MTA3: variants seen among roughly 807,000 people sequenced by gnomAD.
The protein encoded by MTA3 is metastasis associated 1 family member 3.
In MTA3, 34 loss-of-function variants were observed where a neutral mutation model predicts 83.5. The ratio of observed to expected loss-of-function variants is 0.41; its 90% CI spans 0.31 to 0.54. MTA3 has a LOEUF of 0.54. Among genes scored for constraint, MTA3 ranks in the 20% least tolerant of loss-of-function variants. The pLI is 0.33. For synonymous variants in MTA3, 303 were observed against 252.7 expected (o/e 1.20, Z -1.89); for missense variants, 761 against 726.4 (o/e 1.05, Z -0.55).
chr2:42,707,526 C>T (rs756142727), intron 12 of MTA3, among the ~76,000 whole-genome samples: 4 of 152,160 alleles, frequency 2.6e-5, no homozygotes, highest in Non-Finnish European at 4.4e-5. Context: ...GGATTACAGG[C>T]GTGAGCCACC....
At chr2:42,681,111 G>A (rs1313349268) in intron 8 of MTA3, among the ~76,000 whole-genome samples, 5 of 152,136 alleles carry the variant, frequency 3.3e-5, no homozygotes, top group African/African-American at 1.2e-4. Flanking sequence ...GGAGTTCAAC[G>A]TTATGGTGCT....
chr2:42,570,647 C>G (rs1174576709), intron 2 of MTA3, 143 bp downstream of exon 2: 3 of 456,616 alleles, frequency 6.6e-6, no homozygotes, highest in Non-Finnish European at 1.2e-5. Flanking sequence ...TAGCTTGAGC[C>G]CAGGAGTTGG....
intron 3 of MTA3, among the ~76,000 whole-genome samples, chr2:42,585,135 C>A (rs1405195582): frequency 2.0e-5 from 3 of 151,796 alleles, no homozygotes; most frequent in Non-Finnish European, 4.4e-5. Flanking sequence ...GTTGCCTAGG[C>A]TGGAGTGCAA....
Position 42,626,133 on chromosome 2 carries a change from T to C in MTA3, c.318-14040T>C, listed in dbSNP as rs567533379. On this transcript the variant is annotated intron_variant, in intron 4 of 16. Coordinates refer to ENST00000405094, the MANE Select transcript of MTA3 (RefSeq NM_001330442.2). Reference sequence around the variant, plus strand: ...AATTTTTTTGTATTTTTAGTAGAGATGGGGTTTCACAGTGTTAGCCAGGAT... The same window carrying C: ...AATTTTTTTGTATTTTTAGTAGAGACGGGGTTTCACAGTGTTAGCCAGGAT... Among the ~76,000 whole-genome samples, 227 of 151,000 alleles carry C rather than the reference T, an allele frequency of 1.5e-3. 5 individuals are homozygous for C. The highest frequency in any genetic ancestry group is 5.3e-3 in the African/African-American group (216 of 40,718).
chr2:42,712,301 A>C (rs1392116492), intron 14 of MTA3, among the ~76,000 whole-genome samples: 10 of 151,930 alleles, frequency 6.6e-5, no homozygotes, highest in Non-Finnish European at 1.5e-4. Context: ...CATATATAGG[A>C]ATTTTTTTTT....
At chr2:42,681,076 T>G (rs1691853259) in intron 8 of MTA3, among the ~76,000 whole-genome samples, 1 of 152,190 alleles carries the variant, frequency 6.6e-6, no homozygotes, top group Non-Finnish European at 1.5e-5. Context: ...CCTAAGTAAC[T>G]TTTGCAGAAG....
chr2:42,602,542 C>T (rs888675128), intron 3 of MTA3, among the ~76,000 whole-genome samples: 3 of 152,006 alleles, frequency 2.0e-5, no homozygotes, highest in African/African-American at 7.3e-5. Context: ...ATGAGAACTC[C>T]AGTTGGTCTA....
chr2:42,569,173 C>T (rs1678168538), intron 1 of MTA3, among the ~76,000 whole-genome samples: 1 of 150,766 alleles, frequency 6.6e-6, no homozygotes, highest in African/African-American at 2.4e-5. Context: ...GCTTCTTCCC[C>T]ACTCAGTGGG....
chr2:42,568,649 ACGG>A lies in MTA3; in HGVS notation c.-86_-84del. On this transcript the variant is annotated 5_prime_UTR_variant, in exon 1 of 17. Coordinates refer to ENST00000405094, the MANE Select transcript of MTA3 (RefSeq NM_001330442.2). ...TCCCCCCCGTGGCGAGGCAGCAGCG[ACGG>A]CGGCGGCGGCAGCGGCGGTCGCGGC... 24 of 630,636 alleles carry A rather than the reference ACGG, an allele frequency of 3.8e-5. No homozygotes were observed. The highest frequency in any genetic ancestry group is 7.1e-5 in the South Asian group (1 of 14,058). The allele number at this position is 630,636 out of a possible 1,614,324, so 39.1% of individuals were successfully genotyped here.
chr2:42,570,293 G>A, intron 1 of MTA3, 144 bp from the exon 2 acceptor site: 1 of 504,438 alleles, frequency 2.0e-6, no homozygotes, highest in South Asian at 4.2e-5. Context: ...GATATATTAA[G>A]GCTGCATTAT....
chr2:42,695,634 CAA>C (rs70963347), intron 9 of MTA3, 129 bp from the exon 10 acceptor site: 4,527 of 128,936 alleles, frequency 0.035, no homozygotes, highest in Middle Eastern at 0.057. Context: ...CAGTCTATCT[CAA>C]AAAAAAAAAA....
chr2:42,511,197 AG>A (rs1674879367), intron 2 of MTA3, among the ~76,000 whole-genome samples: 2 of 152,174 alleles, frequency 1.3e-5, no homozygotes, highest in South Asian at 4.1e-4. Flanking sequence ...CAACCAAAAT[AG>A]CATTGACTCC....
At chr2:42,653,143 C>T (rs1301138767) in intron 6 of MTA3, among the ~76,000 whole-genome samples, 4 of 152,050 alleles carry the variant, frequency 2.6e-5, no homozygotes, top group African/African-American at 7.2e-5. Context: ...CACAATTAAA[C>T]GAAGCAAAAA....
intron 14 of MTA3, among the ~76,000 whole-genome samples, chr2:42,718,444 C>G (rs766819077): frequency 1.3e-5 from 2 of 150,618 alleles, no homozygotes; most frequent in Non-Finnish European, 3.0e-5. Flanking sequence ...TGGGGTTTCT[C>G]CATGTTGGAC....
At chr2:42,592,287 A>G (rs1681110631) in intron 3 of MTA3, among the ~76,000 whole-genome samples, 1 of 151,556 alleles carries the variant, frequency 6.6e-6, no homozygotes, top group African/African-American at 2.4e-5. Flanking sequence ...CAAAACAAAA[A>G]ACCAATTCAT....
intron 2 of MTA3, among the ~76,000 whole-genome samples, chr2:42,499,844 G>A (rs954422927): frequency 6.6e-6 from 1 of 151,902 alleles, no homozygotes; most frequent in Non-Finnish European, 1.5e-5. Context: ...TTATGGCATA[G>A]ATTGTGATGA....
chr2:42,721,349 A>T, intron 15 of MTA3, among the ~76,000 whole-genome samples: 1 of 144,052 alleles, frequency 6.9e-6, no homozygotes, highest in Non-Finnish European at 1.5e-5. Flanking sequence ...TTTTTTTGAG[A>T]TAGAGTCTCA....
At chr2:42,536,028 G>A (rs1319709663) in intron 2 of MTA3, among the ~76,000 whole-genome samples, 1 of 152,004 alleles carries the variant, frequency 6.6e-6, no homozygotes, top group Non-Finnish European at 1.5e-5. Flanking sequence ...GTTGAGGCAG[G>A]AAGATTGCTT....
At chr2:42,635,029 A>G (rs1211727728) in intron 4 of MTA3, among the ~76,000 whole-genome samples, 1 of 152,176 alleles carries the variant, frequency 6.6e-6, no homozygotes, top group Non-Finnish European at 1.5e-5. Context: ...CTAAAAATGT[A>G]AAAGTTTTTA....
Sources: gnomAD v4.1 joint callset for allele counts (sites outside exome capture counted in the v4.1 genomes callset) on GRCh38, gnomAD v4.1.1 for gene constraint, MANE v1.5 for transcripts, NCBI Gene and HGNC (gene_info 2026-07-23, HGNC 2026-07-21) for gene names.